RYR3: variants seen among roughly 807,000 people sequenced by gnomAD.
RYR3 encodes ryanodine receptor 3, also known as brain ryanodine receptor-calcium release channel.
RYR3 carries 207 observed loss-of-function variants against 584.3 expected under a neutral mutation model. The observed-to-expected ratio is 0.35, with a 90% CI of 0.32 to 0.40. The LOEUF (loss-of-function observed/expected upper bound fraction) is 0.40. Ranked by LOEUF, RYR3 falls within the 10% of genes least tolerant of loss-of-function variation. RYR3 has a pLI of 1.00. For missense variants in RYR3, 5,616 were observed against 6,089.2 expected (o/e 0.92, Z 2.59); for synonymous variants, 2,416 against 2,248.5 (o/e 1.07, Z -2.11).
At chr15:33,477,185 C>G (rs1260001053) in intron 2 of RYR3, among the ~76,000 whole-genome samples, 1 of 152,058 alleles carries the variant, frequency 6.6e-6, no homozygotes, top group Non-Finnish European at 1.5e-5. Context: ...TGACCTTGGG[C>G]ATTTCTAGTC....
At chr15:33,374,554 T>C (rs951493574) in intron 1 of RYR3, among the ~76,000 whole-genome samples, 5 of 152,186 alleles carry the variant, frequency 3.3e-5, no homozygotes, top group Non-Finnish European at 4.4e-5. Context: ...CAGAGCTTAA[T>C]TGCACCAAGA....
intron 2 of RYR3, among the ~76,000 whole-genome samples, chr15:33,487,266 G>T (rs576757736): frequency 8.5e-5 from 13 of 152,090 alleles, no homozygotes; most frequent in African/African-American, 3.1e-4. Context: ...TTCCAGCAGG[G>T]TTGGAATGGG....
chr15:33,470,219 C>T (rs2048820463), intron 1 of RYR3, among the ~76,000 whole-genome samples: 2 of 152,196 alleles, frequency 1.3e-5, no homozygotes, highest in Non-Finnish European at 2.9e-5. Flanking sequence ...CCCCCACCAC[C>T]ATTGCTTATT....
intron 67 of RYR3, among the ~76,000 whole-genome samples, chr15:33,798,852 A>G (rs74511836): frequency 6.6e-6 from 1 of 152,174 alleles, no homozygotes; most frequent in South Asian, 2.1e-4. Context: ...TCAGGAGATA[A>G]GAGAAGGATC....
intron 3 of RYR3, among the ~76,000 whole-genome samples, chr15:33,504,941 T>C (rs1567393174): frequency 6.6e-6 from 1 of 152,264 alleles, no homozygotes; most frequent in Non-Finnish European, 1.5e-5. Context: ...AAGCCTCTGC[T>C]GACCCCACAA....
chr15:33,538,753 G>C (rs559310658), intron 5 of RYR3, among the ~76,000 whole-genome samples: 8 of 152,098 alleles, frequency 5.3e-5, no homozygotes, highest in Non-Finnish European at 8.8e-5. Flanking sequence ...TTTATTGATG[G>C]TTTCTTCATC....
chr15:33,353,083 T>G (rs541283133), intron 1 of RYR3, among the ~76,000 whole-genome samples: 18 of 152,308 alleles, frequency 1.2e-4, no homozygotes, highest in African/African-American at 4.3e-4. Flanking sequence ...TCTAGTGTTG[T>G]TTCATCTTCT....
intron 1 of RYR3, among the ~76,000 whole-genome samples, chr15:33,425,854 G>A (rs949894326): frequency 6.6e-5 from 10 of 152,000 alleles, no homozygotes; most frequent in East Asian, 3.9e-4. Flanking sequence ...GTGTTAGCCA[G>A]GATGGTCTCA....
chr15:33,853,183 C>G, intron 95 of RYR3, 96 bp downstream of exon 95: 1 of 1,076,018 alleles, frequency 9.3e-7, no homozygotes, highest in East Asian at 2.6e-5. Context: ...AAATGTGATG[C>G]TACTTTTATG....
At chr15:33,815,675 A>G (rs35293080) in intron 74 of RYR3, among the ~76,000 whole-genome samples, 10,335 of 152,284 alleles carry the variant, frequency 0.068, 492 homozygotes, top group Middle Eastern at 0.11. Context: ...ATTTCATAAC[A>G]ACAGAGAAGC....
At chr15:33,709,363 A>G (rs186757428) in intron 43 of RYR3, among the ~76,000 whole-genome samples, 215 of 152,354 alleles carry the variant, frequency 1.4e-3, no homozygotes, top group African/African-American at 5.1e-3. Context: ...TTGAAAGGTC[A>G]AGTTTCCAAA....
At chr15:33,539,790 G>C (rs1195555965) in intron 6 of RYR3, among the ~76,000 whole-genome samples, 1 of 152,026 alleles carries the variant, frequency 6.6e-6, no homozygotes, top group Non-Finnish European at 1.5e-5. Flanking sequence ...AATAAAGGAA[G>C]ACAGAAAAAA....
At chr15:33,406,663 C>T (rs2043040827) in intron 1 of RYR3, among the ~76,000 whole-genome samples, 1 of 152,166 alleles carries the variant, frequency 6.6e-6, no homozygotes, top group Non-Finnish European at 1.5e-5. Context: ...AGGCTGAAGC[C>T]TTGTGTTCTG....
At chr15:33,664,614 T>TACAC (rs1555399531) in intron 36 of RYR3, among the ~76,000 whole-genome samples, 4 of 120,550 alleles carry the variant, frequency 3.3e-5, no homozygotes, top group African/African-American at 9.1e-5. Context: ...TATATATATA[T>TACAC]ACGTATGTAT....
Position 33,861,170 on chromosome 15 carries a change from C to T in RYR3, c.14457C>T (p.Ala4819=). 6.3e-7 allele frequency: 1 copy of T among 1,585,614 alleles called. No individual in the cohort carries two copies. Among genetic ancestry groups the T allele is most frequent in the Non-Finnish European group, 8.6e-7 (1 of 1,164,114 alleles). ...ETHTLQEHNL[A]NYLFFLMYLI... is the part of the protein sequence containing the mutation. Reference sequence around the variant, plus strand: ...ATACATTACAAGAGCACAACTTAGCCAACTACTTGTGAGTATTCTTGGTTA... The same window carrying T: ...ATACATTACAAGAGCACAACTTAGCTAACTACTTGTGAGTATTCTTGGTTA... The change falls in exon 102 of 104, where the codon GCC becomes GCT. Residue 4819 remains alanine (A), a synonymous_variant. Transcript: ENST00000634891.
chr15:33,628,670 A>G (rs2061120510), intron 21 of RYR3, 95 bp downstream of exon 21: 1 of 778,564 alleles, frequency 1.3e-6, no homozygotes. Flanking sequence ...CATTGCATTC[A>G]CTAGTTAGGA....
At chr15:33,864,530 TGA>T (rs1453801123) in intron 103 of RYR3, among the ~76,000 whole-genome samples, 1 of 151,786 alleles carries the variant, frequency 6.6e-6, no homozygotes, top group Admixed American at 6.6e-5. Context: ...TACAACGGAG[TGA>T]GAGACAGGCT....
intron 85 of RYR3, among the ~76,000 whole-genome samples, chr15:33,828,536 A>C (rs1165166393): frequency 4.6e-5 from 7 of 152,208 alleles, no homozygotes; most frequent in Admixed American, 6.5e-5. Flanking sequence ...AAGAAAGCAA[A>C]ACACCCTCAT....
intron 85 of RYR3, among the ~76,000 whole-genome samples, chr15:33,827,837 G>A (rs530272364): frequency 6.6e-6 from 1 of 152,212 alleles, no homozygotes; most frequent in Non-Finnish European, 1.5e-5. Context: ...TAATGTGCCT[G>A]TGTTCCAGTT....
Sources: allele counts gnomAD v4.1 joint callset (sites outside exome capture counted in the v4.1 genomes callset), GRCh38; gene constraint gnomAD v4.1.1; transcripts MANE v1.5; gene names NCBI Gene and HGNC (gene_info 2026-07-23, HGNC 2026-07-21).